Variants in CENPP observed in about 807,000 individuals in gnomAD.
The protein encoded by CENPP is centromere protein P.
CENPP carries 24 observed loss-of-function variants against 35.6 expected under a neutral mutation model. The observed-to-expected ratio is 0.67, with a 90% confidence interval of 0.49 to 0.95. The LOEUF is 0.95. Among genes scored for constraint, CENPP ranks in the 40% least tolerant of loss-of-function variants. The pLI, the probability that CENPP is intolerant of heterozygous loss-of-function variation, is 0.00. For missense variants in CENPP, 332 were observed against 345.3 expected, an observed-to-expected ratio of 0.96 and a Z score of 0.31; for synonymous variants, 120 against 125.5, an observed-to-expected ratio of 0.96 and a Z score of 0.29.
chr9:92,333,434 C>A (rs148747632), intron 2 of CENPP, among the ~76,000 whole-genome samples: 2 of 152,242 alleles, frequency 1.3e-5, no homozygotes, highest in African/African-American at 4.8e-5. Flanking sequence ...GCTTAAAAGC[C>A]GCAGCATGAA....
At chr9:92,600,655 G>T in intron 5 of CENPP, 2 of 1,413,832 alleles carry the variant, frequency 1.4e-6, no homozygotes, top group Non-Finnish European at 1.9e-6. Flanking sequence ...TCTGGTGGGG[G>T]TTGTGTTTTT....
chr9:92,569,255 G>T (rs1850073538), intron 5 of CENPP, among the ~76,000 whole-genome samples: 1 of 152,170 alleles, frequency 6.6e-6, no homozygotes, highest in Non-Finnish European at 1.5e-5. Context: ...ATTAATTTTT[G>T]TATAAGGTGT....
At chr9:92,392,681 A>G (rs908987621) in intron 5 of CENPP, among the ~76,000 whole-genome samples, 1 of 152,170 alleles carries the variant, frequency 6.6e-6, no homozygotes, top group African/African-American at 2.4e-5. Context: ...AGCCAGGTTT[A>G]AGAGCCATTA....
intron 5 of CENPP, chr9:92,457,542 A>G (rs1322788784): frequency 7.7e-6 from 10 of 1,297,946 alleles, no homozygotes; most frequent in African/African-American, 1.5e-5. Context: ...TAAACGGAAG[A>G]TACTCTGTAG....
At chr9:92,421,776 G>A (rs1484831683) in intron 5 of CENPP, among the ~76,000 whole-genome samples, 1 of 152,162 alleles carries the variant, frequency 6.6e-6, no homozygotes, top group Non-Finnish European at 1.5e-5. Context: ...TCTGTAAAGA[G>A]CAAACAGCTT....
chr9:92,533,328 A>AAAAAAAAAAAAAAAAAAATATATATATAT (rs1554683138), intron 5 of CENPP, among the ~76,000 whole-genome samples: 1 of 38,332 alleles, frequency 2.6e-5, no homozygotes, highest in Non-Finnish European at 4.3e-5. Flanking sequence ...AAAAAAAAAA[A>AAAAAAAAAAAAAAAAAAATATATATATAT]ATATATATAT....
chr9:92,392,997 G>C (rs1227046552), intron 5 of CENPP: 1 of 1,016,868 alleles, frequency 9.8e-7, no homozygotes, highest in African/African-American at 1.6e-5. Flanking sequence ...ACCTGAATGT[G>C]ATAGGCAGCA....
At chr9:92,452,753 A>G (rs1038544464) in intron 5 of CENPP, among the ~76,000 whole-genome samples, 29 of 152,128 alleles carry the variant, frequency 1.9e-4, no homozygotes, top group Non-Finnish European at 2.9e-4. Flanking sequence ...TTGGTAAGCT[A>G]TTGATTATTG....
chr9:92,611,066 G>A, intron 5 of CENPP: 1 of 577,894 alleles, frequency 1.7e-6, no homozygotes, highest in Non-Finnish European at 3.1e-6. Flanking sequence ...TACAGCTGTA[G>A]GGAGGTTATG....
chr9:92,385,513 A>G, intron 5 of CENPP: 1 of 942,308 alleles, frequency 1.1e-6, no homozygotes, highest in South Asian at 1.9e-5. Flanking sequence ...TTCCTTCAAA[A>G]TGAGATACAA....
At chr9:92,541,133 C>A (rs930233003) in intron 5 of CENPP, among the ~76,000 whole-genome samples, 12 of 151,852 alleles carry the variant, frequency 7.9e-5, no homozygotes, top group Admixed American at 6.6e-4. Flanking sequence ...GTGGCGGGTG[C>A]CTATAGTCCC....
At chr9:92,508,642 A>C (rs771227797) in intron 5 of CENPP, among the ~76,000 whole-genome samples, 11 of 152,176 alleles carry the variant, frequency 7.2e-5, no homozygotes, top group Non-Finnish European at 1.3e-4. Context: ...GGCAGTCTGC[A>C]TCAAAATTTG....
intron 5 of CENPP, chr9:92,515,050 T>A: frequency 1.2e-6 from 2 of 1,614,162 alleles, no homozygotes; most frequent in Non-Finnish European, 8.5e-7. Context: ...CTCCTCAGAT[T>A]GAAGTGCTTC....
intron 5 of CENPP, chr9:92,417,562 CTTT>C: frequency 1.6e-6 from 2 of 1,216,206 alleles, no homozygotes; most frequent in Non-Finnish European, 1.1e-6. Flanking sequence ...AACCCATCTT[CTTT>C]TTTTTTTTCC....
At chr9:92,359,841 C>G (rs1263055984) in intron 4 of CENPP, among the ~76,000 whole-genome samples, 1 of 150,258 alleles carries the variant, frequency 6.7e-6, no homozygotes, top group Non-Finnish European at 1.5e-5. Context: ...GTAAGCTGCT[C>G]TGGTTATACT....
chr9:92,416,762 T>C, intron 5 of CENPP: 1 of 1,613,888 alleles, frequency 6.2e-7, no homozygotes, highest in Non-Finnish European at 8.5e-7. Flanking sequence ...TAGTTTGTTG[T>C]GTGACATTCT....
intron 3 of CENPP, among the ~76,000 whole-genome samples, chr9:92,338,796 A>C (rs1234557282): frequency 1.3e-5 from 2 of 152,134 alleles, no homozygotes; most frequent in African/African-American, 4.8e-5. Context: ...ATCTGGGACC[A>C]CAGCCATTTG....
chr9:92,487,908 A>G (rs1329924283), intron 5 of CENPP, among the ~76,000 whole-genome samples: 3 of 152,244 alleles, frequency 2.0e-5, no homozygotes, highest in African/African-American at 2.4e-5. Context: ...TTGAGTACCC[A>G]TACAACCATT....
chr9:92,596,063 T>G (rs1318108214), intron 5 of CENPP, among the ~76,000 whole-genome samples: 2 of 152,254 alleles, frequency 1.3e-5, no homozygotes, highest in Admixed American at 1.3e-4. Flanking sequence ...AATGGCAGAT[T>G]GAAACATACA....
Sources: gnomAD v4.1 joint callset for allele counts (sites outside exome capture counted in the v4.1 genomes callset) on GRCh38, gnomAD v4.1.1 for gene constraint, MANE v1.5 for transcripts, NCBI Gene and HGNC (gene_info 2026-07-23, HGNC 2026-07-21) for gene names.